Variants in HDAC9 observed in about 807,000 individuals in gnomAD.
HDAC9 encodes the protein MEF-2 interacting transcription repressor (MITR) protein.
HDAC9 carries 41 observed loss-of-function variants against 139.4 expected under a neutral mutation model. The ratio of observed to expected loss-of-function variants is 0.29; its 90% CI spans 0.23 to 0.38. The LOEUF (loss-of-function observed/expected upper bound fraction) is 0.38. HDAC9 is among the 10% of genes least tolerant of loss of function. The probability of loss-of-function intolerance (pLI) is 1.00; values close to 1 mark genes in which losing one functional copy is unlikely to be tolerated. For synonymous variants in HDAC9, 517 were observed against 476.2 expected, an observed-to-expected ratio of 1.09 and a Z score of -1.12; for missense variants, 1,147 against 1,297.0, an observed-to-expected ratio of 0.88 and a Z score of 1.78.
At chr7:18,315,795 A>G (rs1368191191) in intron 1 of HDAC9, among the ~76,000 whole-genome samples, 2 of 152,210 alleles carry the variant, frequency 1.3e-5, no homozygotes, top group Non-Finnish European at 2.9e-5. Flanking sequence ...CTTCCTGGAC[A>G]GATCCTTGTG....
intron 9 of HDAC9, among the ~76,000 whole-genome samples, chr7:18,645,026 T>C (rs561457646): frequency 3.9e-5 from 6 of 152,218 alleles, no homozygotes; most frequent in Non-Finnish European, 8.8e-5. Flanking sequence ...TGTATAATGG[T>C]TTATAGCTTT....
At chr7:18,288,204 A>G (rs576799917), upstream of HDAC9, among the ~76,000 whole-genome samples, 3 of 152,216 alleles carry the variant, frequency 2.0e-5, no homozygotes, top group Non-Finnish European at 4.4e-5. Context: ...CCCTTGTTCA[A>G]TACAACAAAA....
At chr7:18,629,518 G>A in intron 7 of HDAC9, 37 bp downstream of exon 7, 4 of 1,565,726 alleles carry the variant, frequency 2.6e-6, no homozygotes, top group Admixed American at 3.9e-5. Context: ...AATGCTGGGA[G>A]TAGGAATGAA....
rs1414212763 is a variant in HDAC9 at position 18,996,852 on chromosome 7, A to T, written c.*790A>T. On this transcript the variant is annotated 3_prime_UTR_variant, in exon 26 of 26. Transcript: ENST00000686413. ...AAGTCCCCCCACCTCCCAGCCACACACACATCCTTTGTTCTCATGACAGTA... is the reference window on the plus strand; with the variant it reads ...AAGTCCCCCCACCTCCCAGCCACACTCACATCCTTTGTTCTCATGACAGTA... 1 of 152,226 alleles carries T rather than the reference A, an allele frequency of 6.6e-6. No individual in the cohort carries two copies. The highest frequency in any genetic ancestry group is 1.9e-4 in the East Asian group (1 of 5,202). 9.4% of individuals were successfully genotyped at this position (152,226 alleles called of 1,614,324 possible). A position where few individuals can be genotyped will look rare whatever the true frequency, so the allele number is the denominator to read the frequency against.
intron 11 of HDAC9, among the ~76,000 whole-genome samples, chr7:18,665,602 CTTA>C (rs1309087938): frequency 3.9e-5 from 6 of 151,946 alleles, no homozygotes; most frequent in African/African-American, 1.2e-4. Context: ...CATAAAACAT[CTTA>C]TTGTTAATTT....
chr7:18,967,508 A>ACCCCC (rs1335326619), intron 24 of HDAC9, among the ~76,000 whole-genome samples: 3 of 121,308 alleles, frequency 2.5e-5, no homozygotes, highest in African/African-American at 3.3e-5. Context: ...CCCCCCCCCA[A>ACCCCC]AAAAAAAAAA....
chr7:18,153,172 A>G lies in HDAC9; in HGVS notation c.-96-9057A>G, dbSNP rs928449813. On this transcript the variant is annotated intron_variant, in intron 1 of 12. Coordinates refer to the HDAC9 transcript ENST00000417496. ...ATCAATTGCAAGGGATTCTGGAGAA[A>G]CCTAGTAGAAAAGAGGGTCACAGAT... 2.0e-5 allele frequency among the ~76,000 whole-genome samples: 3 copies of G among 152,126 alleles called. No individual in the cohort carries two copies. In the South Asian group the frequency reaches 6.2e-4, roughly 31 times the overall value.
intron 1 of HDAC9, among the ~76,000 whole-genome samples, chr7:18,152,939 G>A (rs1786892472): frequency 6.6e-6 from 1 of 152,196 alleles, no homozygotes; most frequent in Non-Finnish European, 1.5e-5. Flanking sequence ...GTGTATTGGT[G>A]TGTTTTCACA....
chr7:18,780,720 A>G (rs777785725), intron 16 of HDAC9, among the ~76,000 whole-genome samples: 31 of 152,028 alleles, frequency 2.0e-4, no homozygotes, highest in Non-Finnish European at 4.3e-4. Context: ...CAGTATCACT[A>G]TAGGATTCTT....
Position 18,732,758 on chromosome 7 carries a change from CGTGTATGTGTGCGTATGTGT to C in HDAC9, c.1909+5002_1909+5021del, listed in dbSNP as rs1786289294. ...GTATGTGTGCGTATGTGTACACACACGTGTATGTGTGCGTATGTGTACACACACGTGTGTTTGTGTGCGTA... is the reference window on the plus strand; with the variant it reads ...GTATGTGTGCGTATGTGTACACACACACACACACGTGTGTTTGTGTGCGTA... On this transcript the variant is annotated intron_variant, in intron 13 of 25. Coordinates refer to ENST00000686413, the MANE Select transcript of HDAC9 (RefSeq NM_178425.4). 2.8e-4 allele frequency among the ~76,000 whole-genome samples: 17 copies of C among 61,572 alleles called. 3 individuals carry two copies. The highest frequency in any genetic ancestry group is 7.7e-4 in the African/African-American group (8 of 10,420). 40.4% of individuals were successfully genotyped at this position (61,572 alleles called of 152,430 possible). A position where few individuals can be genotyped will look rare whatever the true frequency, so the allele number is the denominator to read the frequency against.
chr7:18,667,799 T>A (rs1269676486), intron 12 of HDAC9: 2 of 984,884 alleles, frequency 2.0e-6, no homozygotes, highest in East Asian at 2.3e-4. Flanking sequence ...GTAGGGAAAT[T>A]GTTACGGAAG....
upstream of HDAC9, among the ~76,000 whole-genome samples, chr7:18,286,781 C>T (rs1350249002): frequency 6.6e-6 from 1 of 152,078 alleles, no homozygotes; most frequent in Non-Finnish European, 1.5e-5. Flanking sequence ...AAAGCACCTT[C>T]ATTTTAAAGG....
chr7:18,672,946 T>A (rs1257008196), intron 12 of HDAC9, among the ~76,000 whole-genome samples: 1 of 152,102 alleles, frequency 6.6e-6, no homozygotes, highest in Non-Finnish European at 1.5e-5. Flanking sequence ...CTTGTTGCTT[T>A]CTAACTTTTG....
chr7:18,946,036 C>CAAAATAAAAAAAAAAAAAAAAAAA, intron 23 of HDAC9, among the ~76,000 whole-genome samples: 1 of 38,276 alleles, frequency 2.6e-5, no homozygotes, highest in South Asian at 1.9e-3. Context: ...GACTCCGTCT[C>CAAAATAAAAAAAAAAAAAAAAAAA]AAAAAAAAAA....
chr7:18,957,812 T>G (rs1263177053), intron 24 of HDAC9, among the ~76,000 whole-genome samples: 1 of 151,988 alleles, frequency 6.6e-6, no homozygotes, highest in Non-Finnish European at 1.5e-5. Flanking sequence ...CTTTAGGGGG[T>G]GTTCAGATTT....
At chr7:18,758,272 G>A (rs746468662) in intron 14 of HDAC9, among the ~76,000 whole-genome samples, 2 of 152,016 alleles carry the variant, frequency 1.3e-5, no homozygotes, top group Non-Finnish European at 2.9e-5. Context: ...AATCTTTTTG[G>A]GCAGGCTATC....
chr7:18,496,202 G>T, intron 1 of HDAC9, 60 bp from the exon 2 acceptor site: 1 of 1,568,352 alleles, frequency 6.4e-7, no homozygotes, highest in Non-Finnish European at 8.8e-7. Flanking sequence ...TGTAGCTGAA[G>T]TAAGAGTGAC....
chr7:18,631,998 A>G (rs1023748757), intron 7 of HDAC9, among the ~76,000 whole-genome samples: 10 of 151,768 alleles, frequency 6.6e-5, no homozygotes, highest in African/African-American at 9.7e-5. Flanking sequence ...AAAATAATAT[A>G]AATATTATAA....
chr7:18,383,407 C>A (rs750112071), intron 1 of HDAC9, among the ~76,000 whole-genome samples: 19 of 151,980 alleles, frequency 1.3e-4, no homozygotes, highest in African/African-American at 4.8e-5. Flanking sequence ...AAAGTTGGCA[C>A]GTGGATTAAA....
Sources: gnomAD v4.1 joint callset for allele counts (sites outside exome capture counted in the v4.1 genomes callset) on GRCh38, gnomAD v4.1.1 for gene constraint, MANE v1.5 for transcripts, NCBI Gene and HGNC (gene_info 2026-07-23, HGNC 2026-07-21) for gene names.